Variants in FCRL6 observed in about 807,000 individuals in gnomAD.
FCRL6 encodes Fc receptor like 6, also known as Fc receptor-like protein 6.
In FCRL6, 50 loss-of-function variants were observed where a neutral mutation model predicts 49.1. The ratio of observed to expected loss-of-function variants is 1.02; its 90% CI spans 0.81 to 1.29. The LOEUF is 1.29. Ranked by LOEUF, FCRL6 falls within the 50% of genes most tolerant of loss-of-function variation. FCRL6 has a pLI of 0.00. For synonymous variants in FCRL6, 213 were observed against 199.6 expected, an observed-to-expected ratio of 1.07 and a Z score of -0.57; for missense variants, 571 against 518.5, an observed-to-expected ratio of 1.10 and a Z score of -0.98.
chr1:159,813,417 A>T, intron 6 of FCRL6, 72 bp from the exon 7 acceptor site: 1 of 1,371,292 alleles, frequency 7.3e-7, no homozygotes, highest in Non-Finnish European at 1.0e-6. Flanking sequence ...ATTCTTGCTC[A>T]CAGCTTTCCT....
At chr1:159,813,617 G>T in intron 7 of FCRL6, 63 bp downstream of exon 7, 1 of 1,420,412 alleles carries the variant, frequency 7.0e-7, no homozygotes, top group Non-Finnish European at 1.0e-6. Flanking sequence ...CTTAAGGGAA[G>T]TAAGAAGGGA....
At chr1:159,809,812 T>C (rs1047555779) in intron 5 of FCRL6, 129 bp downstream of exon 5, 4 of 840,912 alleles carry the variant, frequency 4.8e-6, no homozygotes, top group African/African-American at 1.7e-5. Context: ...TGACTGAGCA[T>C]GGACCCTAAT....
chr1:159,813,831 C>T (rs1348099635), intron 7 of FCRL6, among the ~76,000 whole-genome samples: 2 of 152,234 alleles, frequency 1.3e-5, no homozygotes, highest in Admixed American at 1.3e-4. Context: ...AAACCCAGCA[C>T]ACTGCCTGTT....
In FCRL6 at chr1:159,809,066, C is replaced by T. The variant is rs1417527294; in HGVS notation, c.425C>T (p.Ala142Val). 1 of 1,614,108 alleles carries T rather than the reference C, an allele frequency of 6.2e-7. No individual in the cohort carries two copies. The change falls in exon 4 of 10, where the codon GCC becomes GTC. Residue 142 changes from alanine (A) to valine (V), a missense_variant. Transcript: ENST00000368106. ...ACAAAGCTGCACCCCCTGAGGTCAG[C>T]CTTGAGGCTCCTTTTCTCCTTCCAC... is the stretch of plus-strand genomic sequence containing the variant. The part of the protein sequence containing the change: ...CQTKLHPLRS[A>V]LRLLFSFHKD...
Position 159,816,039 on chromosome 1 carries a change from G to T in FCRL6, c.*378G>T. On this transcript the variant is annotated 3_prime_UTR_variant, in exon 10 of 10. Transcript: ENST00000368106. Reference sequence around the variant, plus strand: ...AGTGATAGACTGCATACACAACAGTGGTCCCATAAGACTGTAATGGAGTTT... The same window carrying T: ...AGTGATAGACTGCATACACAACAGTTGTCCCATAAGACTGTAATGGAGTTT... 1 of 209,670 alleles carries T rather than the reference G, an allele frequency of 4.8e-6. No individual in the cohort carries two copies. Among genetic ancestry groups the T allele is most frequent in the Non-Finnish European group, 1.0e-5 (1 of 100,138 alleles). The allele number at this position is 209,670 out of a possible 1,614,324, so 13.0% of individuals were successfully genotyped here. A position where few individuals can be genotyped will look rare whatever the true frequency, so the allele number is the denominator to read the frequency against.
intron 1 of FCRL6, among the ~76,000 whole-genome samples, chr1:159,805,935 C>T (rs1159404574): frequency 6.6e-6 from 1 of 152,186 alleles, no homozygotes; most frequent in Non-Finnish European, 1.5e-5. Context: ...GAGTCTAGTC[C>T]TATGTTTTCT....
intron 8 of FCRL6, among the ~76,000 whole-genome samples, chr1:159,815,139 G>T (rs1008373776): frequency 6.6e-6 from 1 of 152,194 alleles, no homozygotes; most frequent in East Asian, 1.9e-4. Context: ...TTGAATTGGC[G>T]TAGGGTTTCT....
upstream of FCRL6, among the ~76,000 whole-genome samples, chr1:159,800,808 A>G (rs1333125463): frequency 6.6e-6 from 1 of 152,198 alleles, no homozygotes; most frequent in Non-Finnish European, 1.5e-5. Flanking sequence ...AGGCACATCA[A>G]ATTCCATCAG....
At chr1:159,803,032 A>G (rs1315100498) in intron 1 of FCRL6, among the ~76,000 whole-genome samples, 2 of 152,168 alleles carry the variant, frequency 1.3e-5, no homozygotes, top group African/African-American at 4.8e-5. Flanking sequence ...TTTCAAATTG[A>G]CTGTCTCTCT....
At position 159,809,505 on chromosome 1, in the gene FCRL6, G is replaced by T. The variant is rs372785343; in HGVS notation, c.708G>T (p.Pro236=). The T allele has an allele frequency of 3.1e-6, 5 of 1,614,158 alleles. No homozygotes were observed. The Admixed American group carries it at 8.3e-5, about 27-fold the overall frequency. ...LLCEAQRGSP[P]ILYSFYLDEK... ...GTGAGGCACAGAGGGGCTCCCCTCC[G>T]ATCCTGTATTCCTTCTACCTTGATG... Residue 236 remains proline (P), a synonymous_variant, in exon 5 of 10, where the codon CCG becomes CCT. Transcript: ENST00000368106.
Position 159,808,963 on chromosome 1 carries a change from C to T in FCRL6, c.322C>T (p.Leu108=). Residue 108 remains leucine, a splice_region_variant and synonymous_variant, in exon 4 of 10, where the codon CTG becomes TTG. Transcript: ENST00000368106. ...SETAMVQVQE[L]FPPPVLSAIP... ...GTCCTGGGCCTGCATCTCCCCAGAG[C>T]TGTTTCCACCTCCTGTGCTGAGTGC... 6.2e-7 allele frequency: 1 copy of T among 1,602,432 alleles called. No homozygotes were observed.
Position 159,813,479 on chromosome 1 carries a change from T to C in FCRL6, c.1010-10T>C, listed in dbSNP as rs1289971800. The C allele has an allele frequency of 1.2e-6, 2 of 1,612,392 alleles. No individual in the cohort carries two copies. Among genetic ancestry groups the C allele is most frequent in the South Asian group, 2.2e-5 (2 of 91,038 alleles). The stretch of plus-strand genomic sequence containing the variant: ...GGACACCCAGTGAATCATGCCCTTG[T>C]ATCTCCTAGGGCCCCTTCCATCCCA... On this transcript the variant is annotated splice_polypyrimidine_tract_variant and intron_variant, in intron 6 of 9. Coordinates refer to ENST00000368106, the MANE Select transcript of FCRL6 (RefSeq NM_001004310.3).
chr1:159,815,126 G>T (rs1049979740), intron 8 of FCRL6, among the ~76,000 whole-genome samples: 8 of 152,232 alleles, frequency 5.3e-5, no homozygotes, highest in African/African-American at 1.9e-4. Flanking sequence ...TGCAAAAATG[G>T]GTTTGAATTG....
In FCRL6 at chr1:159,809,832, T is replaced by A. The variant is rs1267360056; in HGVS notation, c.886+149T>A. Reference sequence around the variant, plus strand: ...GAGCATGGACCCTAATTAGTCCATCTGTCCACTGAGCCTGGCAGAGAAATA... The same window carrying A: ...GAGCATGGACCCTAATTAGTCCATCAGTCCACTGAGCCTGGCAGAGAAATA... On this transcript the variant is annotated intron_variant, in intron 5 of 9. Transcript: ENST00000368106. 3 of 791,038 alleles carry A rather than the reference T, an allele frequency of 3.8e-6. No individual in the cohort carries two copies. In the East Asian group the frequency reaches 7.8e-5, roughly 21 times the overall value. The allele number at this position is 791,038 out of a possible 1,614,324, so 49.0% of individuals were successfully genotyped here.
At chr1:159,811,803 A>T (rs1663101384) in intron 6 of FCRL6, among the ~76,000 whole-genome samples, 1 of 151,264 alleles carries the variant, frequency 6.6e-6, no homozygotes, top group South Asian at 2.1e-4. Context: ...GGAACCACAA[A>T]CCAAAGATCT....
intron 1 of FCRL6, among the ~76,000 whole-genome samples, chr1:159,805,519 A>G (rs991676382): frequency 6.6e-6 from 1 of 152,202 alleles, no homozygotes; most frequent in Non-Finnish European, 1.5e-5. Context: ...TCACTGCTTC[A>G]TATCCAGCTA....
At chr1:159,808,869 C>T (rs1449314211) in intron 3 of FCRL6, 92 bp from the exon 4 acceptor site, 2 of 1,371,014 alleles carry the variant, frequency 1.5e-6, no homozygotes, top group East Asian at 4.8e-5. Flanking sequence ...CCCCGGGCTG[C>T]AGCCTGAGAT....
chr1:159,804,887 C>A (rs967452667), intron 1 of FCRL6, among the ~76,000 whole-genome samples: 1 of 152,196 alleles, frequency 6.6e-6, no homozygotes, highest in South Asian at 2.1e-4. Flanking sequence ...TGAGGTCAGG[C>A]CTTCTTTCTG....
At chr1:159,810,345 TCTC>T (rs1479394855) in intron 6 of FCRL6, 129 bp downstream of exon 6, 1 of 1,135,026 alleles carries the variant, frequency 8.8e-7, no homozygotes, top group African/African-American at 1.6e-5. Context: ...AGGGGGGACT[TCTC>T]TTCCTGTGTC....
Sources: gnomAD v4.1 joint callset for allele counts (sites outside exome capture counted in the v4.1 genomes callset) on GRCh38, gnomAD v4.1.1 for gene constraint, MANE v1.5 for transcripts, NCBI Gene and HGNC (gene_info 2026-07-23, HGNC 2026-07-21) for gene names.